The following RNF180 variants were observed in gnomAD, a reference collection of about 807,000 sequenced individuals.
RNF180 encodes E3 ubiquitin-protein ligase RNF180.
Under a neutral mutation model 59.2 loss-of-function variants are expected in RNF180, and 38 were observed. That is an observed-to-expected ratio of 0.64 (90% CI 0.50 to 0.84). The LOEUF (loss-of-function observed/expected upper bound fraction) is 0.84, where lower values mean the gene tolerates loss of function less well. RNF180 is among the 40% of genes least tolerant of loss of function. The pLI is 0.00. For synonymous variants in RNF180, 262 were observed against 240.3 expected, an observed-to-expected ratio of 1.09 and a Z score of -0.84; for missense variants, 705 against 700.9, an observed-to-expected ratio of 1.01 and a Z score of -0.07.
intron 5 of RNF180, among the ~76,000 whole-genome samples, chr5:64,226,155 C>A (rs1741743260): frequency 6.6e-6 from 1 of 152,116 alleles, no homozygotes; most frequent in South Asian, 2.1e-4. Context: ...GAGGTGTACC[C>A]CACAGCTCCG....
At chr5:64,346,769 C>A (rs1461703759) in intron 7 of RNF180, among the ~76,000 whole-genome samples, 2 of 152,118 alleles carry the variant, frequency 1.3e-5, no homozygotes, top group African/African-American at 4.8e-5. Flanking sequence ...GGGTCTCAAA[C>A]ATCAGTATTA....
intron 5 of RNF180, among the ~76,000 whole-genome samples, chr5:64,244,517 A>C (rs538771054): frequency 2.1e-3 from 317 of 152,334 alleles, no homozygotes; most frequent in Non-Finnish European, 3.5e-3. Flanking sequence ...TAATGAAATA[A>C]GGTATGAAGA....
intron 7 of RNF180, among the ~76,000 whole-genome samples, chr5:64,364,968 C>T (rs1162652150): frequency 6.6e-6 from 1 of 150,404 alleles, no homozygotes; most frequent in Non-Finnish European, 1.5e-5. Flanking sequence ...TTATTATTTA[C>T]TAGTCTAGCT....
At chr5:64,324,127 C>T (rs1580253008) in intron 5 of RNF180, among the ~76,000 whole-genome samples, 1 of 152,178 alleles carries the variant, frequency 6.6e-6, no homozygotes. Context: ...AAAAGCATCA[C>T]CAAACTTCTA....
intron 5 of RNF180, among the ~76,000 whole-genome samples, chr5:64,294,108 G>A (rs531940366): frequency 1.2e-3 from 182 of 152,228 alleles, no homozygotes; most frequent in African/African-American, 4.0e-3. Flanking sequence ...CCTGCCTACC[G>A]TTTTGGTTTA....
At chr5:64,194,997 C>T (rs1751383900) in intron 1 of RNF180, among the ~76,000 whole-genome samples, 1 of 151,972 alleles carries the variant, frequency 6.6e-6, no homozygotes, top group Non-Finnish European at 1.5e-5. Flanking sequence ...ATACCAGTAC[C>T]CAGAGTAGGA....
intron 1 of RNF180, among the ~76,000 whole-genome samples, chr5:64,187,546 C>T (rs1266537237): frequency 3.3e-5 from 5 of 152,138 alleles, no homozygotes; most frequent in Admixed American, 6.6e-5. Flanking sequence ...CTCTGTAATT[C>T]GTGTTGGACA....
chr5:64,253,932 G>A (rs1743753144), intron 5 of RNF180, among the ~76,000 whole-genome samples: 1 of 152,000 alleles, frequency 6.6e-6, no homozygotes, highest in African/African-American at 2.4e-5. Flanking sequence ...ATAAATACTA[G>A]CTATTTTATT....
At chr5:64,210,701 G>A (rs1752270207) in intron 2 of RNF180, among the ~76,000 whole-genome samples, 2 of 152,160 alleles carry the variant, frequency 1.3e-5, no homozygotes, top group South Asian at 4.2e-4. Flanking sequence ...ACCTCTTCCT[G>A]CCCTGTTTAT....
intron 5 of RNF180, among the ~76,000 whole-genome samples, chr5:64,273,407 G>C (rs766532913): frequency 1.1e-4 from 16 of 151,760 alleles, no homozygotes; most frequent in Non-Finnish European, 5.9e-5. Flanking sequence ...TAATAAACTT[G>C]CTTTCACTTA....
chr5:64,190,120 G>T (rs1751066914), intron 1 of RNF180, among the ~76,000 whole-genome samples: 1 of 152,126 alleles, frequency 6.6e-6, no homozygotes, highest in African/African-American at 2.4e-5. Context: ...CTGCCACCCA[G>T]AGCCAAGGGA....
rs370223582 is a variant in RNF180, at chr5:64,231,908, GA to G, written c.1227+14515del. On this transcript the variant is annotated intron_variant, in intron 5 of 7. Coordinates refer to ENST00000389100, the MANE Select transcript of RNF180 (RefSeq NM_001113561.2). The stretch of plus-strand genomic sequence containing the variant: ...GAGTAGTGCTCCCCTTAGCACACTT[GA>G]AATTATAGGAAAATGTTCCTTTATT... Among the ~76,000 whole-genome samples, 506 of 152,290 alleles carry G rather than the reference GA, an allele frequency of 3.3e-3. 2 individuals carry two copies. Among genetic ancestry groups the G allele is most frequent in the African/African-American group, 0.011 (458 of 41,546 alleles).
intron 5 of RNF180, among the ~76,000 whole-genome samples, chr5:64,222,197 A>T (rs1344070570): frequency 6.6e-6 from 1 of 152,112 alleles, no homozygotes; most frequent in Admixed American, 6.6e-5. Context: ...GACTGGGCTT[A>T]TCGGTTGTGT....
At chr5:64,306,678 C>G (rs1463465801) in intron 5 of RNF180, among the ~76,000 whole-genome samples, 1 of 151,668 alleles carries the variant, frequency 6.6e-6, no homozygotes, top group Non-Finnish European at 1.5e-5. Flanking sequence ...TTTGTAGCGA[C>G]ATGGATGAAG....
intron 5 of RNF180, among the ~76,000 whole-genome samples, chr5:64,258,559 T>C (rs1158303798): frequency 6.6e-6 from 1 of 151,698 alleles, no homozygotes; most frequent in East Asian, 1.9e-4. Context: ...TGAATGGGGG[T>C]GCTATTCCCT....
intron 6 of RNF180, among the ~76,000 whole-genome samples, chr5:64,326,024 TA>T (rs1744618591): frequency 6.6e-6 from 1 of 152,182 alleles, no homozygotes; most frequent in South Asian, 2.1e-4. Context: ...GGTAGAATGA[TA>T]GAATTCACTA....
intron 1 of RNF180, among the ~76,000 whole-genome samples, chr5:64,183,620 G>A (rs886680780): frequency 1.3e-5 from 2 of 151,640 alleles, no homozygotes; most frequent in Non-Finnish European, 2.9e-5. Flanking sequence ...GCTAATTTTT[G>A]TATTTTTAGT....
chr5:64,247,522 G>T (rs930861544), intron 5 of RNF180, among the ~76,000 whole-genome samples: 3 of 152,074 alleles, frequency 2.0e-5, no homozygotes, highest in Admixed American at 1.3e-4. Flanking sequence ...GCTTCAAAGA[G>T]AATAAAATAC....
intron 1 of RNF180, among the ~76,000 whole-genome samples, chr5:64,174,908 T>C (rs1750143832): frequency 6.6e-6 from 1 of 152,000 alleles, no homozygotes; most frequent in African/African-American, 2.4e-5. Flanking sequence ...TCATGTTTTC[T>C]TCTGGTAGTT....
Sources: allele counts gnomAD v4.1 joint callset (sites outside exome capture counted in the v4.1 genomes callset), GRCh38; gene constraint gnomAD v4.1.1; transcripts MANE v1.5; gene names NCBI Gene and HGNC (gene_info 2026-07-23, HGNC 2026-07-21).